Variants in GAB1 observed in about 807,000 individuals in gnomAD.
GAB1 encodes the protein GRB2-associated-binding protein 1.
A neutral mutation model predicts 66.5 loss-of-function variants in GAB1; 19 were observed. That is an observed-to-expected ratio of 0.29 (90% CI 0.20 to 0.42). The LOEUF (loss-of-function observed/expected upper bound fraction) is 0.42, where lower values mean the gene tolerates loss of function less well. Among genes scored for constraint, GAB1 ranks in the 10% least tolerant of loss-of-function variants. The pLI is 1.00. For synonymous variants in GAB1, 294 were observed against 301.4 expected (o/e 0.98, Z 0.25); for missense variants, 732 against 858.5 (o/e 0.85, Z 1.84).
At chr4:143,384,901 T>G (rs1273875648) in intron 1 of GAB1, among the ~76,000 whole-genome samples, 1 of 152,198 alleles carries the variant, frequency 6.6e-6, no homozygotes, top group Non-Finnish European at 1.5e-5. Context: ...TTTACTTGGC[T>G]TTTAAAGGGT....
chr4:143,400,845 T>A (rs936671111), intron 1 of GAB1, among the ~76,000 whole-genome samples: 1 of 151,994 alleles, frequency 6.6e-6, no homozygotes, highest in African/African-American at 2.4e-5. Flanking sequence ...GGCATGCACC[T>A]GTAATCCCAG....
At chr4:143,449,528 T>C (rs1464766011) in intron 6 of GAB1, among the ~76,000 whole-genome samples, 11 of 152,022 alleles carry the variant, frequency 7.2e-5, no homozygotes, top group East Asian at 1.9e-4. Flanking sequence ...TGAATTGATC[T>C]CTTTACCATT....
intron 1 of GAB1, among the ~76,000 whole-genome samples, chr4:143,378,719 A>G (rs1175450122): frequency 2.8e-5 from 4 of 141,132 alleles, no homozygotes; most frequent in African/African-American, 1.1e-4. Context: ...TTGTCTGAGT[A>G]TCTTTCTGAA....
chr4:143,467,507 T>C (rs1735855283), intron 9 of GAB1, among the ~76,000 whole-genome samples: 1 of 152,210 alleles, frequency 6.6e-6, no homozygotes, highest in South Asian at 2.1e-4. Flanking sequence ...CAAATATGTC[T>C]GGCCAATTTA....
intron 1 of GAB1, among the ~76,000 whole-genome samples, chr4:143,340,002 A>G (rs1728775794): frequency 6.6e-6 from 1 of 151,710 alleles, no homozygotes; most frequent in Non-Finnish European, 1.5e-5. Context: ...ACCAGCATGG[A>G]GTGTAATGAG....
At chr4:143,408,795 T>C (rs1408275698) in intron 1 of GAB1, among the ~76,000 whole-genome samples, 2 of 152,224 alleles carry the variant, frequency 1.3e-5, no homozygotes, top group African/African-American at 2.4e-5. Context: ...GAAGTCACAA[T>C]AATGGTCTTT....
chr4:143,400,844 C>T (rs1560743286), intron 1 of GAB1, among the ~76,000 whole-genome samples: 1 of 151,932 alleles, frequency 6.6e-6, no homozygotes, highest in East Asian at 1.9e-4. Context: ...TGGCATGCAC[C>T]TGTAATCCCA....
intron 1 of GAB1, among the ~76,000 whole-genome samples, chr4:143,377,398 T>C (rs1477437019): frequency 6.6e-6 from 1 of 152,174 alleles, no homozygotes; most frequent in Non-Finnish European, 1.5e-5. Context: ...TGATTCTCAT[T>C]GAAAAAACTT....
intron 6 of GAB1, among the ~76,000 whole-genome samples, chr4:143,454,742 TACA>T (rs1369224290): frequency 1.3e-5 from 2 of 152,192 alleles, no homozygotes; most frequent in African/African-American, 2.4e-5. Context: ...TTTAGTTGGC[TACA>T]ACAAGAATGA....
At chr4:143,390,925 C>A (rs1015747064) in intron 1 of GAB1, among the ~76,000 whole-genome samples, 1 of 152,076 alleles carries the variant, frequency 6.6e-6, no homozygotes, top group Non-Finnish European at 1.5e-5. Context: ...AGGCAGCATG[C>A]GCAATGTCTT....
intron 1 of GAB1, among the ~76,000 whole-genome samples, chr4:143,401,966 T>A (rs756856324): frequency 1.1e-4 from 17 of 152,298 alleles, no homozygotes; most frequent in Admixed American, 2.6e-4. Flanking sequence ...TTGGGCAACC[T>A]TCAGAAATAA....
intron 7 of GAB1, among the ~76,000 whole-genome samples, chr4:143,459,945 G>A (rs900588778): frequency 7.9e-5 from 12 of 152,104 alleles, no homozygotes; most frequent in South Asian, 4.2e-4. Flanking sequence ...TTATTTAACC[G>A]AGACTTATTT....
chr4:143,410,289 G>A (rs1732309711), intron 1 of GAB1, among the ~76,000 whole-genome samples: 1 of 152,178 alleles, frequency 6.6e-6, no homozygotes, highest in Non-Finnish European at 1.5e-5. Context: ...AAAACAGGGT[G>A]TACAGCAGTT....
intron 1 of GAB1, 117 bp downstream of exon 1, chr4:143,337,377 C>G (rs1030432683): frequency 3.5e-6 from 3 of 852,956 alleles, no homozygotes; most frequent in African/African-American, 1.7e-5. Context: ...GAATGCCGGT[C>G]TCTTTCCCCT....
chr4:143,362,488 T>C lies in GAB1; in HGVS notation c.72+25228T>C, dbSNP rs577219886. On this transcript the variant is annotated intron_variant, in intron 1 of 9. Transcript: ENST00000262994. ...GGCTATTTTTATGCTTATTACATGC[T>C]AAACAAGGGGCGGATTATTCATGAG... 4.6e-5 allele frequency among the ~76,000 whole-genome samples: 7 copies of C among 152,306 alleles called. No homozygotes were observed. The South Asian group carries it at 1.4e-3, about 32-fold the overall frequency.
intron 1 of GAB1, among the ~76,000 whole-genome samples, chr4:143,391,873 A>T (rs1432080475): frequency 6.6e-6 from 1 of 152,210 alleles, no homozygotes; most frequent in African/African-American, 2.4e-5. Context: ...GTTGTGAGTT[A>T]GAGAGCTAGT....
At chr4:143,380,236 G>A (rs973686898) in intron 1 of GAB1, among the ~76,000 whole-genome samples, 1 of 151,928 alleles carries the variant, frequency 6.6e-6, no homozygotes, top group East Asian at 1.9e-4. Context: ...AAGTCTCATG[G>A]TACTATCTTT....
At chr4:143,425,944 G>T in intron 2 of GAB1, 7 of 927,234 alleles carry the variant, frequency 7.5e-6, no homozygotes, top group East Asian at 2.4e-5. Context: ...GTTCTTGCAC[G>T]GGTTCTTAAG....
intron 2 of GAB1, among the ~76,000 whole-genome samples, chr4:143,428,453 G>T (rs1733480005): frequency 6.6e-6 from 1 of 152,178 alleles, no homozygotes; most frequent in Non-Finnish European, 1.5e-5. Flanking sequence ...ATGGGACCTG[G>T]CTTTGGTTAG....
Sources: gnomAD v4.1 joint callset for allele counts (sites outside exome capture counted in the v4.1 genomes callset) on GRCh38, gnomAD v4.1.1 for gene constraint, MANE v1.5 for transcripts, NCBI Gene and HGNC (gene_info 2026-07-23, HGNC 2026-07-21) for gene names.